KDM5A: variants seen among roughly 807,000 people sequenced by gnomAD.
KDM5A encodes the protein lysine demethylase 5A.
In KDM5A, 42 loss-of-function variants were observed where a neutral mutation model predicts 193.5. That is an observed-to-expected ratio of 0.22 (90% CI 0.17 to 0.28). KDM5A has a LOEUF of 0.28. KDM5A is among the 10% of genes least tolerant of loss of function. KDM5A has a pLI of 1.00. For synonymous variants in KDM5A, 796 were observed against 718.1 expected, an observed-to-expected ratio of 1.11 and a Z score of -1.73; for missense variants, 1,692 against 2,055.1, an observed-to-expected ratio of 0.82 and a Z score of 3.42.
intron 18 of KDM5A, among the ~76,000 whole-genome samples, chr12:318,676 T>C (rs1478150936): frequency 1.3e-5 from 2 of 152,230 alleles, no homozygotes; most frequent in African/African-American, 2.4e-5. Context: ...AGTTGATTCA[T>C]TCAATAAATA....
intron 1 of KDM5A, among the ~76,000 whole-genome samples, chr12:386,558 C>T (rs974677377): frequency 1.3e-5 from 2 of 152,106 alleles, no homozygotes; most frequent in Admixed American, 1.3e-4. Flanking sequence ...AAAAAATAAT[C>T]TGTTCAAGCT....
intron 3 of KDM5A, among the ~76,000 whole-genome samples, chr12:370,057 T>C (rs1285665373): frequency 1.3e-5 from 2 of 152,332 alleles, no homozygotes; most frequent in South Asian, 2.1e-4. Context: ...ATACCTGTTT[T>C]TCTTTGGCTG....
chr12:302,739 C>T (rs138188472), intron 24 of KDM5A, among the ~76,000 whole-genome samples: 459 of 152,290 alleles, frequency 3.0e-3, no homozygotes, highest in Non-Finnish European at 4.7e-3. Context: ...AGGCAACCTA[C>T]GGAATGGGAG....
rs1187208553 is a variant in KDM5A at position 283,828 on chromosome 12, TA to T, written c.*1627del. 7.0e-5 allele frequency: 16 copies of T among 227,788 alleles called. No individual in the cohort carries two copies. The highest frequency in any genetic ancestry group is 1.9e-4 in the East Asian group (3 of 16,098). The allele number at this position is 227,788 out of a possible 1,614,324, so 14.1% of individuals were successfully genotyped here. A position where few individuals can be genotyped will look rare whatever the true frequency, so the allele number is the denominator to read the frequency against. On this transcript the variant is annotated 3_prime_UTR_variant, in exon 28 of 28. Transcript: ENST00000399788. The stretch of plus-strand genomic sequence containing the variant: ...TTTAGTCATTTTTTTTTTTGTCCTT[TA>T]AAAAAAAATTAGTCCCCTTCTAATA...
At chr12:371,294 T>C in intron 3 of KDM5A, among the ~76,000 whole-genome samples, 1 of 152,210 alleles carries the variant, frequency 6.6e-6, no homozygotes, top group Non-Finnish European at 1.5e-5. Flanking sequence ...CCTGACTTTT[T>C]AATGATCACC....
chr12:351,566 AAGAAGCAAAC>A (rs1051773906), intron 9 of KDM5A, among the ~76,000 whole-genome samples: 5 of 152,206 alleles, frequency 3.3e-5, no homozygotes, highest in Non-Finnish European at 5.9e-5. Flanking sequence ...ATCCTAGGAA[AAGAAGCAAAC>A]CCCACAGTAA....
chr12:382,598 A>G (rs1195499595), intron 3 of KDM5A, among the ~76,000 whole-genome samples: 1 of 152,194 alleles, frequency 6.6e-6, no homozygotes, highest in African/African-American at 2.4e-5. Context: ...TTCCCAGATA[A>G]TTAAGCAATA....
chr12:309,160 C>T (rs11062344), intron 22 of KDM5A, among the ~76,000 whole-genome samples: 15,180 of 152,240 alleles, frequency 0.1, 1,061 homozygotes, highest in Non-Finnish European at 0.15. Flanking sequence ...TAGAAAACTA[C>T]AGCAGGTCCT....
intron 10 of KDM5A, among the ~76,000 whole-genome samples, chr12:338,401 T>G (rs1032422342): frequency 1.3e-5 from 2 of 152,296 alleles, no homozygotes; most frequent in African/African-American, 4.8e-5. Context: ...CACTAAACAC[T>G]TTACACGTGT....
At chr12:367,700 T>A (rs1255981608) in intron 3 of KDM5A, among the ~76,000 whole-genome samples, 1 of 147,888 alleles carries the variant, frequency 6.8e-6, no homozygotes, top group Non-Finnish European at 1.5e-5. Context: ...AGACTCCATC[T>A]CCGAAAAAAA....
chr12:380,627 G>C (rs1425647149), intron 3 of KDM5A, among the ~76,000 whole-genome samples: 1 of 152,024 alleles, frequency 6.6e-6, no homozygotes, highest in Non-Finnish European at 1.5e-5. Context: ...GAAGGCTGAG[G>C]CATGAGAATC....
At chr12:373,338 G>T (rs1416481846) in intron 3 of KDM5A, among the ~76,000 whole-genome samples, 1 of 152,164 alleles carries the variant, frequency 6.6e-6, no homozygotes, top group Non-Finnish European at 1.5e-5. Context: ...TATGTCTCCA[G>T]GAATTTATCC....
chr12:355,807 C>G (rs1944223738), intron 6 of KDM5A, among the ~76,000 whole-genome samples: 1 of 152,150 alleles, frequency 6.6e-6, no homozygotes, highest in Non-Finnish European at 1.5e-5. Context: ...GTCTTTGTGA[C>G]TGTAGCATTT....
At chr12:313,824 G>A in intron 19 of KDM5A, among the ~76,000 whole-genome samples, 1 of 152,186 alleles carries the variant, frequency 6.6e-6, no homozygotes, top group East Asian at 1.9e-4. Context: ...CAGGAGAGTT[G>A]AGAAAGGCTT....
chr12:376,728 G>A (rs1458465856), intron 3 of KDM5A, among the ~76,000 whole-genome samples: 1 of 152,158 alleles, frequency 6.6e-6, no homozygotes, highest in African/African-American at 2.4e-5. Flanking sequence ...GGAACATCTA[G>A]AGACAGTTTT....
intron 5 of KDM5A, among the ~76,000 whole-genome samples, chr12:362,099 G>A (rs530218414): frequency 1.3e-5 from 2 of 152,146 alleles, no homozygotes; most frequent in African/African-American, 2.4e-5. Flanking sequence ...TTCCTTAAAC[G>A]TTAAAATCAA....
At chr12:350,122 C>G (rs545488169) in intron 10 of KDM5A, among the ~76,000 whole-genome samples, 1 of 148,970 alleles carries the variant, frequency 6.7e-6, no homozygotes, top group African/African-American at 2.5e-5. Flanking sequence ...GAACAAAACT[C>G]CTCTCAAAGG....
At chr12:297,754 C>T (rs942270248) in intron 24 of KDM5A, among the ~76,000 whole-genome samples, 9 of 152,090 alleles carry the variant, frequency 5.9e-5, no homozygotes, top group African/African-American at 1.4e-4. Flanking sequence ...TGAATACAAG[C>T]GTTGAAAAAA....
At chr12:289,053 TA>T (rs5795912) in intron 27 of KDM5A, among the ~76,000 whole-genome samples, 81 of 152,306 alleles carry the variant, frequency 5.3e-4, no homozygotes, top group African/African-American at 1.9e-3. Flanking sequence ...ATGAAAATCT[TA>T]AATCAGAGTG....
Sources: allele counts gnomAD v4.1 joint callset (sites outside exome capture counted in the v4.1 genomes callset), GRCh38; gene constraint gnomAD v4.1.1; transcripts MANE v1.5; gene names NCBI Gene and HGNC (gene_info 2026-07-23, HGNC 2026-07-21).